RAB1B: variants seen among roughly 807,000 people sequenced by gnomAD.
RAB1B encodes RAB1B, member RAS oncogene family, also known as ras-related protein Rab-1B.
Under a neutral mutation model 24.8 loss-of-function variants are expected in RAB1B, and 10 were observed. The observed-to-expected ratio is 0.40, with a 90% CI of 0.25 to 0.68. The LOEUF (loss-of-function observed/expected upper bound fraction) is 0.68, where lower values mean the gene tolerates loss of function less well. Among genes scored for constraint, RAB1B ranks in the 30% least tolerant of loss-of-function variants. The pLI is 0.37. For synonymous variants in RAB1B, 99 were observed against 111.7 expected (o/e 0.89, Z 0.72); for missense variants, 154 against 271.2 (o/e 0.57, Z 3.04).
intron 1 of RAB1B, 130 bp from the exon 2 acceptor site, chr11:66,271,667 T>C (rs969584715): frequency 4.7e-6 from 3 of 645,050 alleles, no homozygotes; most frequent in Non-Finnish European, 5.5e-6. Flanking sequence ...TGAGACCTTA[T>C]TGCTAAAAAA....
In RAB1B at chr11:66,272,238, A is replaced by C. The variant is rs1161080249; in HGVS notation, c.169A>C (p.Ile57Leu). The C allele has an allele frequency of 6.2e-7, 1 of 1,613,518 alleles. No homozygotes were observed. ...IRTIELDGKT[I>L]KLQIWDTAGQ... ...AACCATCGAGCTGGATGGCAAAACT[A>C]TCAAACTTCAGATCGTGAGTGTCGC... is the stretch of plus-strand genomic sequence containing the variant. The change falls in exon 3 of 6, where the codon ATC becomes CTC. Residue 57 changes from isoleucine to leucine, a missense_variant. Physicochemically the swap from Ile to Leu is conservative, Grantham distance 5. Coordinates refer to ENST00000311481, the MANE Select transcript of RAB1B (RefSeq NM_030981.3).
rs1463947500 is a variant in RAB1B, at chr11:66,274,707, CCT to C, written c.280-1094_280-1093del. ...GTGCTCTGGCCTCTCCCCAATCCCC[CCT>C]CTTTCCTCCCCTCTTCCCCCTCTCC... On this transcript the variant is annotated intron_variant, in intron 4 of 5. Coordinates refer to ENST00000311481, the MANE Select transcript of RAB1B (RefSeq NM_030981.3). 2.7e-5 allele frequency among the ~76,000 whole-genome samples: 4 copies of C among 149,336 alleles called. 1 individual carries two copies. Among genetic ancestry groups the C allele is most frequent in the African/African-American group, 9.9e-5 (4 of 40,518 alleles).
chr11:66,268,778 T>C, intron 1 of RAB1B, 85 bp downstream of exon 1: 1 of 1,361,428 alleles, frequency 7.3e-7, no homozygotes, highest in Non-Finnish European at 9.7e-7. Context: ...CTGGCCCGGG[T>C]CAGGACTGTG....
At position 66,276,299 on chromosome 11, in the gene RAB1B, G is replaced by A. The variant is rs1857144619; in HGVS notation, c.*61G>A. 57 of 1,441,312 alleles carry A rather than the reference G, an allele frequency of 4.0e-5. No individual in the cohort carries two copies. Among genetic ancestry groups the A allele is most frequent in the Non-Finnish European group, 5.2e-5 (56 of 1,084,458 alleles). The allele number at this position is 1,441,312 out of a possible 1,614,324, so 89.3% of individuals were successfully genotyped here. On this transcript the variant is annotated 3_prime_UTR_variant, in exon 6 of 6. Coordinates refer to ENST00000311481, the MANE Select transcript of RAB1B (RefSeq NM_030981.3). The stretch of plus-strand genomic sequence containing the variant: ...TCTCCAGATGATGTCCCTGGAGGGG[G>A]CAGGAGGTACCTCCCTCTCCCTCTC...
Position 66,275,826 on chromosome 11 carries a change from A to C in RAB1B, c.302A>C (p.Gln101Pro). The C allele has an allele frequency of 6.3e-7, 1 of 1,589,214 alleles. No homozygotes were observed. The highest frequency in any genetic ancestry group is 1.3e-5 in the African/African-American group (1 of 74,926). ...TAGGAATCCTACGCCAACGTGAAGCAGTGGCTGCAGGAGATTGACCGCTAT... is the reference window on the plus strand; with the variant it reads ...TAGGAATCCTACGCCAACGTGAAGCCGTGGCTGCAGGAGATTGACCGCTAT... ...TDQESYANVK[Q>P]WLQEIDRYAS... Residue 101 changes from glutamine to proline, a missense_variant, in exon 5 of 6, where the codon CAG becomes CCG. Around this residue, in one of 2 missense-constraint regions of RAB1B, gnomAD observed 77 missense variants for 173.4 expected, o/e 0.44. Transcript: ENST00000311481.
In RAB1B at chr11:66,276,303, G is replaced by A. The variant is rs1298771596; in HGVS notation, c.*65G>A. ...CAGATGATGTCCCTGGAGGGGGCAGGAGGTACCTCCCTCTCCCTCTCCTGG... is the reference window on the plus strand; with the variant it reads ...CAGATGATGTCCCTGGAGGGGGCAGAAGGTACCTCCCTCTCCCTCTCCTGG... On this transcript the variant is annotated 3_prime_UTR_variant, in exon 6 of 6. Coordinates refer to ENST00000311481, the MANE Select transcript of RAB1B (RefSeq NM_030981.3). The A allele has an allele frequency of 1.4e-6, 2 of 1,422,770 alleles. No homozygotes were observed. The highest frequency in any genetic ancestry group is 1.4e-5 in the African/African-American group (1 of 70,180). 88.1% of individuals were successfully genotyped at this position (1,422,770 alleles called of 1,614,324 possible). A position where few individuals can be genotyped will look rare whatever the true frequency, so the allele number is the denominator to read the frequency against.
At chr11:66,276,001 C>T in intron 5 of RAB1B, 43 bp from the exon 6 acceptor site, 2 of 1,589,216 alleles carry the variant, frequency 1.3e-6, no homozygotes, top group Non-Finnish European at 1.7e-6. Context: ...CCTGCTCTCC[C>T]CTCCTCTTCT....
At chr11:66,273,280 C>T (rs754436263) in intron 4 of RAB1B, among the ~76,000 whole-genome samples, 1 of 152,202 alleles carries the variant, frequency 6.6e-6, no homozygotes, top group Non-Finnish European at 1.5e-5. Flanking sequence ...GAGGAGCAGC[C>T]GGGCTCTTTA....
At chr11:66,275,998 TCC>T (rs1329628828) in intron 5 of RAB1B, 44 bp from the exon 6 acceptor site, 1 of 1,588,616 alleles carries the variant, frequency 6.3e-7, no homozygotes, top group African/African-American at 1.3e-5. Flanking sequence ...TCACCTGCTC[TCC>T]CCTCCTCTTC....
intron 4 of RAB1B, chr11:66,272,714 C>G (rs191298509): frequency 5.9e-4 from 187 of 318,172 alleles, no homozygotes; most frequent in Admixed American, 1.4e-3. Flanking sequence ...GGCCTCACAC[C>G]TTCCCTCCCC....
intron 4 of RAB1B, among the ~76,000 whole-genome samples, chr11:66,273,948 A>G (rs1857101270): frequency 6.6e-6 from 1 of 152,100 alleles, no homozygotes; most frequent in Admixed American, 6.5e-5. Context: ...TCTCTCCCCA[A>G]ACCAGCGCCT....
In RAB1B at chr11:66,275,864, G is replaced by A. The variant is rs1857133942; in HGVS notation, c.340G>A (p.Val114Ile). The change falls in exon 5 of 6, where the codon GTC (valine) becomes ATC (isoleucine). Residue 114 changes from valine (V) to isoleucine (I), a missense_variant. Physicochemically the swap from Val to Ile is conservative, Grantham distance 29. Transcript: ENST00000311481. ...GATTGACCGCTATGCCAGCGAGAACGTCAATAAGCTCCTGGTGGGCAACAA... is the reference window on the plus strand; with the variant it reads ...GATTGACCGCTATGCCAGCGAGAACATCAATAAGCTCCTGGTGGGCAACAA... ...QEIDRYASEN[V>I]NKLLVGNKSD... 7 of 1,602,668 alleles carry A rather than the reference G, an allele frequency of 4.4e-6. No homozygotes were observed. Among genetic ancestry groups the A allele is most frequent in the Non-Finnish European group, 6.0e-6 (7 of 1,175,938 alleles).
chr11:66,271,752 TG>T, intron 1 of RAB1B, 44 bp from the exon 2 acceptor site: 1 of 1,365,008 alleles, frequency 7.3e-7, no homozygotes, highest in Non-Finnish European at 1.0e-6. Flanking sequence ...TGATGGTAGG[TG>T]GGCTCCCTGC....
At chr11:66,275,079 C>G (rs1292463130) in intron 4 of RAB1B, among the ~76,000 whole-genome samples, 1 of 152,176 alleles carries the variant, frequency 6.6e-6, no homozygotes, top group Non-Finnish European at 1.5e-5. Context: ...ATGATTTCCC[C>G]CTTTGTCCCC....
At chr11:66,270,084 AG>A (rs1270848765) in intron 1 of RAB1B, 1 of 152,146 alleles carries the variant, frequency 6.6e-6, no homozygotes, top group African/African-American at 2.4e-5. Context: ...TATGTTTCCC[AG>A]CCTGATCTCA....
Position 66,276,400 on chromosome 11 carries a change from G to A in RAB1B, c.*162G>A, listed in dbSNP as rs1220589935. The A allele has an allele frequency of 1.0e-5, 7 of 697,184 alleles. No individual in the cohort carries two copies. Among genetic ancestry groups the A allele is most frequent in the Non-Finnish European group, 1.6e-5 (7 of 443,132 alleles). 43.2% of individuals were successfully genotyped at this position (697,184 alleles called of 1,614,324 possible). On this transcript the variant is annotated 3_prime_UTR_variant, in exon 6 of 6. Coordinates refer to ENST00000311481, the MANE Select transcript of RAB1B (RefSeq NM_030981.3). ...TTCTGGCCCATCTGCCTGCTGCCCT[G>A]AGCCCCGGTTCTGTCAGGGTCCCTA... is the stretch of plus-strand genomic sequence containing the variant.
At chr11:66,273,517 C>T (rs535703092) in intron 4 of RAB1B, among the ~76,000 whole-genome samples, 5 of 152,334 alleles carry the variant, frequency 3.3e-5, no homozygotes, top group Non-Finnish European at 2.9e-5. Context: ...TTGTCAGTGT[C>T]TATTTGCTGG....
rs1857145851 is a variant in RAB1B, at chr11:66,276,366, C to G, written c.*128C>G. On this transcript the variant is annotated 3_prime_UTR_variant, in exon 6 of 6. Transcript: ENST00000311481. Reference sequence around the variant, plus strand: ...TGTGGCTTTGGGGTGTCCTGGGCTCCCCATCTCCTTCTGGCCCATCTGCCT... The same window carrying G: ...TGTGGCTTTGGGGTGTCCTGGGCTCGCCATCTCCTTCTGGCCCATCTGCCT... 2 of 906,114 alleles carry G rather than the reference C, an allele frequency of 2.2e-6. No homozygotes were observed. The highest frequency in any genetic ancestry group is 3.2e-6 in the Non-Finnish European group (2 of 627,448). 56.1% of individuals were successfully genotyped at this position (906,114 alleles called of 1,614,324 possible).
intron 1 of RAB1B, among the ~76,000 whole-genome samples, chr11:66,269,496 T>C (rs1482616625): frequency 6.6e-6 from 1 of 152,242 alleles, no homozygotes; most frequent in African/African-American, 2.4e-5. Context: ...CCAGGACTAA[T>C]AGTTTTCCCC....
Sources: gnomAD v4.1 joint callset for allele counts (sites outside exome capture counted in the v4.1 genomes callset) on GRCh38, gnomAD v4.1.1 for gene constraint, gnomAD v4.1.1 regional missense constraint, MANE v1.5 for transcripts, NCBI Gene and HGNC (gene_info 2026-07-23, HGNC 2026-07-21) for gene names.